Variants in TRERF1 observed in about 807,000 individuals in gnomAD.
TRERF1 encodes the protein transcriptional-regulating factor 1.
TRERF1 carries 27 observed loss-of-function variants against 122.9 expected under a neutral mutation model. The ratio of observed to expected loss-of-function variants is 0.22; its 90% CI spans 0.16 to 0.30. The LOEUF is 0.30. Ranked by LOEUF, TRERF1 falls within the 10% of genes least tolerant of loss-of-function variation. TRERF1 has a pLI of 1.00. For synonymous variants in TRERF1, 636 were observed against 641.7 expected, an observed-to-expected ratio of 0.99 and a Z score of 0.13; for missense variants, 1,248 against 1,560.3, an observed-to-expected ratio of 0.80 and a Z score of 3.37.
intron 2 of TRERF1, among the ~76,000 whole-genome samples, chr6:42,403,835 T>C (rs1319524511): frequency 2.6e-5 from 4 of 152,206 alleles, no homozygotes; most frequent in Admixed American, 2.6e-4. Context: ...GAGCTGTTAG[T>C]GTCCTCCAGG....
At chr6:42,354,119 T>C (rs1021888260) in intron 3 of TRERF1, among the ~76,000 whole-genome samples, 8 of 152,172 alleles carry the variant, frequency 5.3e-5, no homozygotes, top group Middle Eastern at 3.4e-3. Flanking sequence ...ATGGGTGGGA[T>C]TGGGGTTTGG....
intron 3 of TRERF1, among the ~76,000 whole-genome samples, chr6:42,355,587 C>T (rs768006296): frequency 2.8e-4 from 43 of 152,146 alleles, no homozygotes; most frequent in Admixed American, 2.0e-3. Context: ...TTCTCAATCC[C>T]GCAACAGTTT....
chr6:42,387,000 C>T (rs987642320), intron 2 of TRERF1, among the ~76,000 whole-genome samples: 1 of 152,168 alleles, frequency 6.6e-6, no homozygotes, highest in South Asian at 2.1e-4. Context: ...AATTATGACA[C>T]CCAAAAATAT....
chr6:42,309,114 A>C (rs1787795244), intron 3 of TRERF1, among the ~76,000 whole-genome samples: 1 of 152,174 alleles, frequency 6.6e-6, no homozygotes, highest in Non-Finnish European at 1.5e-5. Flanking sequence ...TTAAAAGAAC[A>C]ACCTGGGTGA....
At chr6:42,245,709 T>C (rs1033060736) in intron 14 of TRERF1, among the ~76,000 whole-genome samples, 2 of 152,238 alleles carry the variant, frequency 1.3e-5, no homozygotes, top group Non-Finnish European at 2.9e-5. Context: ...TCATTAAAAA[T>C]AGGAGTTCAA....
At chr6:42,336,480 G>A (rs1766206123) in intron 3 of TRERF1, among the ~76,000 whole-genome samples, 1 of 152,190 alleles carries the variant, frequency 6.6e-6, no homozygotes, top group African/African-American at 2.4e-5. Flanking sequence ...CCTTGGTCAG[G>A]AGGTATGTCT....
intron 3 of TRERF1, among the ~76,000 whole-genome samples, chr6:42,327,775 A>T (rs571621266): frequency 1.3e-5 from 2 of 152,246 alleles, no homozygotes; most frequent in South Asian, 4.2e-4. Flanking sequence ...TCTTCTGAGG[A>T]TGCACCATTG....
chr6:42,323,706 A>C (rs1763829663), intron 3 of TRERF1, among the ~76,000 whole-genome samples: 1 of 152,238 alleles, frequency 6.6e-6, no homozygotes, highest in Non-Finnish European at 1.5e-5. Context: ...TCCAAGCCCC[A>C]AAACCAGGAG....
At chr6:42,293,558 C>T (rs1233246074) in intron 4 of TRERF1, among the ~76,000 whole-genome samples, 1 of 152,208 alleles carries the variant, frequency 6.6e-6, no homozygotes, top group East Asian at 1.9e-4. Context: ...ACAGCTTTCT[C>T]TGAATAGCTC....
At chr6:42,442,535 C>T (rs1368797396) in intron 2 of TRERF1, among the ~76,000 whole-genome samples, 1 of 152,338 alleles carries the variant, frequency 6.6e-6, no homozygotes, top group East Asian at 1.9e-4. Context: ...CAGTAGGACA[C>T]AGATGGCAAA....
intron 3 of TRERF1, among the ~76,000 whole-genome samples, chr6:42,346,166 G>C (rs147060995): frequency 1.3e-5 from 2 of 152,342 alleles, no homozygotes; most frequent in East Asian, 3.9e-4. Context: ...TGAGCCAGCA[G>C]CAGACCAGGG....
At chr6:42,422,174 T>TA (rs1197629136) in intron 2 of TRERF1, among the ~76,000 whole-genome samples, 6 of 147,260 alleles carry the variant, frequency 4.1e-5, no homozygotes, top group Middle Eastern at 3.4e-3. Flanking sequence ...TCCATCTCAT[T>TA]AAAAAAAAAG....
chr6:42,241,498 G>A (rs1773691915), intron 15 of TRERF1, among the ~76,000 whole-genome samples: 2 of 151,476 alleles, frequency 1.3e-5, no homozygotes, highest in South Asian at 2.1e-4. Flanking sequence ...TTTTGCTCTC[G>A]TTGCCCAAGC....
intron 2 of TRERF1, among the ~76,000 whole-genome samples, chr6:42,406,426 C>T (rs1209844261): frequency 6.6e-6 from 1 of 152,108 alleles, no homozygotes; most frequent in Non-Finnish European, 1.5e-5. Flanking sequence ...GAGGAAGGAC[C>T]ACAGGCAGAG....
exon 18 of TRERF1, chr6:42,226,007 C>A (rs1769453717): frequency 6.6e-6 from 1 of 152,066 alleles, no homozygotes; most frequent in Non-Finnish European, 1.5e-5. Context: ...ACAACACATA[C>A]ATGCAGGCAG....
chr6:42,437,467 T>G (rs967945640), intron 2 of TRERF1, among the ~76,000 whole-genome samples: 5 of 152,092 alleles, frequency 3.3e-5, no homozygotes, highest in Admixed American at 1.3e-4. Flanking sequence ...TTAAATCTCA[T>G]TTTACTCTCA....
rs56253869 is a variant in TRERF1 at position 42,275,508 on chromosome 6, G to C, written c.-258-5660C>G. On this transcript the variant is annotated intron_variant, in intron 4 of 17. Coordinates refer to ENST00000372922, the Ensembl canonical transcript of TRERF1. The surrounding 1 kb of genome is among the most constrained non-coding windows in gnomAD (Gnocchi z 4.1). ...AGGCGACCCACTTCCGTGCCTGTCTGCACACTGGCTGCCCAGTCACTGTGA... is the reference window on the plus strand; with the variant it reads ...AGGCGACCCACTTCCGTGCCTGTCTCCACACTGGCTGCCCAGTCACTGTGA... 0.033 allele frequency among the ~76,000 whole-genome samples: 5,043 copies of C among 152,316 alleles called. 87 individuals are homozygous for C. Among genetic ancestry groups the C allele is most frequent in the Non-Finnish European group, 0.037 (2,513 of 68,026 alleles).
chr6:42,293,707 G>A (rs947692082), intron 4 of TRERF1, among the ~76,000 whole-genome samples: 2 of 151,824 alleles, frequency 1.3e-5, no homozygotes, highest in African/African-American at 4.8e-5. Context: ...TTTTCAGATG[G>A]GGTTCTTTTA....
At position 42,269,655 on chromosome 6, in the gene TRERF1, A is replaced by C; in HGVS notation, c.-65T>G. 1 of 1,544,834 alleles carries C rather than the reference A, an allele frequency of 6.5e-7. No individual in the cohort carries two copies. Among genetic ancestry groups the C allele is most frequent in the Non-Finnish European group, 8.7e-7 (1 of 1,145,940 alleles). ...TAAAAAAGGTAAATAAAACAAACCCAAAAGGACTGAAACCCTGAGAAGCTG... is the reference window on the plus strand; with the variant it reads ...TAAAAAAGGTAAATAAAACAAACCCCAAAGGACTGAAACCCTGAGAAGCTG... On this transcript the variant is annotated 5_prime_UTR_variant, in exon 5 of 18. Transcript: ENST00000372922. The surrounding 1 kb of genome is among the most constrained non-coding windows in gnomAD (Gnocchi z 4.9).
Sources: allele counts gnomAD v4.1 joint callset (sites outside exome capture counted in the v4.1 genomes callset), GRCh38; gene constraint gnomAD v4.1.1; non-coding constraint Gnocchi (gnomAD v3.1); transcripts MANE v1.5; gene names NCBI Gene and HGNC (gene_info 2026-07-23, HGNC 2026-07-21).